CPEB3: variants seen among roughly 807,000 people sequenced by gnomAD.
The protein encoded by CPEB3 is cytoplasmic polyadenylation element-binding protein 3.
In CPEB3, 20 loss-of-function variants were observed where a neutral mutation model predicts 67.2. That is an observed-to-expected ratio of 0.30 (90% CI 0.21 to 0.43). The LOEUF (loss-of-function observed/expected upper bound fraction) is 0.43. CPEB3 is among the 20% of genes least tolerant of loss of function. The pLI is 1.00. For synonymous variants in CPEB3, 376 were observed against 393.1 expected (o/e 0.96, Z 0.51); for missense variants, 746 against 968.6 (o/e 0.77, Z 3.05).
intron 1 of CPEB3, among the ~76,000 whole-genome samples, chr10:92,250,797 C>T (rs1274307705): frequency 6.6e-6 from 1 of 151,336 alleles, no homozygotes; most frequent in African/African-American, 2.4e-5. Flanking sequence ...TCAAGCAATT[C>T]TCATGGCTTA....
Position 92,098,020 on chromosome 10 carries a change from G to T in CPEB3, c.1573-6076C>A, listed in dbSNP as rs1208745665. Reference sequence around the variant, plus strand: ...CTACTAAAAATACAGAATCAGTCAGGCATGGTGGTGCATGCCTGTAATCCC... The same window carrying T: ...CTACTAAAAATACAGAATCAGTCAGTCATGGTGGTGCATGCCTGTAATCCC... On this transcript the variant is annotated intron_variant, in intron 7 of 9. Transcript: ENST00000265997. 2.0e-5 allele frequency among the ~76,000 whole-genome samples: 3 copies of T among 151,500 alleles called. No individual in the cohort carries two copies. In the East Asian group the frequency reaches 5.9e-4, roughly 30 times the overall value.
rs1197779084 is a variant in CPEB3, at chr10:92,051,608, A to G, written c.*604T>C. ...AACAAAAATCAAACATGAAGGAAAA[A>G]TAAAAGATCCAGCTTATGAGGTATC... On this transcript the variant is annotated 3_prime_UTR_variant, in exon 10 of 10. Coordinates refer to ENST00000265997, the MANE Select transcript of CPEB3 (RefSeq NM_014912.5). The G allele has an allele frequency of 1.3e-5, 2 of 152,656 alleles. No homozygotes were observed. The highest frequency in any genetic ancestry group is 2.9e-5 in the Non-Finnish European group (2 of 68,052). The allele number at this position is 152,656 out of a possible 1,614,324, so 9.5% of individuals were successfully genotyped here.
At chr10:92,137,153 C>A (rs1046167908) in intron 6 of CPEB3, 6 of 360,056 alleles carry the variant, frequency 1.7e-5, no homozygotes, top group African/African-American at 4.3e-5. Context: ...CTAAAGGCTA[C>A]CCACACCTTG....
intron 1 of CPEB3, among the ~76,000 whole-genome samples, chr10:92,283,005 C>G (rs1366109255): frequency 6.6e-6 from 1 of 152,200 alleles, no homozygotes; most frequent in Non-Finnish European, 1.5e-5. Context: ...AATCCCAGAA[C>G]TTTGGGAGGC....
intron 8 of CPEB3, among the ~76,000 whole-genome samples, chr10:92,088,098 A>G (rs974595092): frequency 1.3e-5 from 2 of 152,142 alleles, no homozygotes; most frequent in Admixed American, 1.3e-4. Flanking sequence ...AATAATGTGT[A>G]TTATTTGACA....
intron 6 of CPEB3, among the ~76,000 whole-genome samples, chr10:92,116,953 G>A (rs1198459120): frequency 6.6e-6 from 1 of 152,176 alleles, no homozygotes; most frequent in Non-Finnish European, 1.5e-5. Context: ...CCAAGGTTTG[G>A]GAAGGAACTT....
chr10:92,083,218 A>G (rs1843228296), intron 8 of CPEB3, among the ~76,000 whole-genome samples: 1 of 152,232 alleles, frequency 6.6e-6, no homozygotes. Context: ...TAATTTTCAG[A>G]AGGTGAGAAA....
chr10:92,274,939 T>C (rs150289655), intron 1 of CPEB3, among the ~76,000 whole-genome samples: 1 of 152,294 alleles, frequency 6.6e-6, no homozygotes, highest in African/African-American at 2.4e-5. Flanking sequence ...ATGTTCAAGA[T>C]TGATGAGGTG....
intron 4 of CPEB3, among the ~76,000 whole-genome samples, chr10:92,164,719 AACC>A (rs1267222423): frequency 6.6e-6 from 1 of 152,190 alleles, no homozygotes; most frequent in Non-Finnish European, 1.5e-5. Flanking sequence ...CCTTACTCTT[AACC>A]ACTAAGTTTG....
intron 6 of CPEB3, among the ~76,000 whole-genome samples, chr10:92,113,190 T>G (rs564976604): frequency 6.6e-6 from 1 of 152,306 alleles, no homozygotes; most frequent in South Asian, 2.1e-4. Flanking sequence ...TGGGCTTTGG[T>G]CTCATGCTGC....
At chr10:92,153,389 A>G (rs970952276) in intron 4 of CPEB3, among the ~76,000 whole-genome samples, 2 of 152,252 alleles carry the variant, frequency 1.3e-5, no homozygotes, top group Non-Finnish European at 2.9e-5. Flanking sequence ...CATTTATAAC[A>G]GTAACTCTAA....
chr10:92,119,508 T>C (rs1845226680), intron 6 of CPEB3, among the ~76,000 whole-genome samples: 2 of 152,178 alleles, frequency 1.3e-5, no homozygotes, highest in South Asian at 2.1e-4. Context: ...GTAGAAACAA[T>C]ACCAGCTCTG....
intron 2 of CPEB3, among the ~76,000 whole-genome samples, chr10:92,234,506 C>CGATGTCCTAGA (rs746869513): frequency 5.4e-4 from 82 of 152,278 alleles, no homozygotes; most frequent in Non-Finnish European, 8.7e-4. Context: ...CACTATTAAG[C>CGATGTCCTAGA]GATGTCCTAG....
At chr10:92,197,664 T>C (rs1187514996) in intron 2 of CPEB3, among the ~76,000 whole-genome samples, 1 of 152,220 alleles carries the variant, frequency 6.6e-6, no homozygotes, top group Non-Finnish European at 1.5e-5. Flanking sequence ...ACAGCTCACC[T>C]CCACTGCATT....
intron 1 of CPEB3, among the ~76,000 whole-genome samples, chr10:92,283,690 G>C (rs1370014643): frequency 6.6e-6 from 1 of 150,404 alleles, no homozygotes; most frequent in Non-Finnish European, 1.5e-5. Context: ...AGTTCCTACA[G>C]AATGGGGTCT....
chr10:92,257,482 G>C (rs1852567771), intron 1 of CPEB3, among the ~76,000 whole-genome samples: 1 of 151,796 alleles, frequency 6.6e-6, no homozygotes, highest in Non-Finnish European at 1.5e-5. Flanking sequence ...TTTTAGTATA[G>C]ATAGAGTTTT....
intron 4 of CPEB3, among the ~76,000 whole-genome samples, chr10:92,163,559 T>C (rs537575707): frequency 6.6e-6 from 1 of 152,300 alleles, no homozygotes; most frequent in South Asian, 2.1e-4. Context: ...TCCCTTGGAG[T>C]ATTAGTCATA....
chr10:92,143,006 T>G (rs1483719707), intron 6 of CPEB3, 23 bp downstream of exon 6: 1 of 1,558,190 alleles, frequency 6.4e-7, no homozygotes, highest in African/African-American at 1.4e-5. Context: ...AGGCAAGCAG[T>G]GGAAACATTT....
intron 1 of CPEB3, among the ~76,000 whole-genome samples, chr10:92,258,668 ATATATATATATT>A (rs1852647427): frequency 1.1e-5 from 1 of 95,160 alleles, no homozygotes; most frequent in African/African-American, 3.4e-5. Flanking sequence ...ATATATATAT[ATATATATATATT>A]TCATGTATTT....
Sources: gnomAD v4.1 joint callset for allele counts (sites outside exome capture counted in the v4.1 genomes callset) on GRCh38, gnomAD v4.1.1 for gene constraint, MANE v1.5 for transcripts, NCBI Gene and HGNC (gene_info 2026-07-23, HGNC 2026-07-21) for gene names.